The following AKAP19 variants were observed in gnomAD, a reference collection of about 807,000 sequenced individuals.
AKAP19 encodes the protein A-kinase anchoring protein 19.
At chr2:190,143,245 A>G in the AKAP19 span, among the ~76,000 whole-genome samples, 45 of 147,348 alleles carry the variant, frequency 3.1e-4, no homozygotes, top group Non-Finnish European at 5.4e-4. Context: ...ATTCTCTTGC[A>G]ACCACCCTGT....
the AKAP19 span, among the ~76,000 whole-genome samples, chr2:190,158,084 G>T: frequency 6.6e-6 from 1 of 152,168 alleles, no homozygotes; most frequent in African/African-American, 2.4e-5. Flanking sequence ...GCCCAGTTCT[G>T]TTTCTCTATG....
the AKAP19 span, chr2:189,930,855 A>G: frequency 1.5e-5 from 11 of 749,924 alleles, no homozygotes; most frequent in African/African-American, 1.6e-4. Context: ...GGTGTTTGCT[A>G]GGTGTTGGAT....
At chr2:189,918,255 C>T in the AKAP19 span, among the ~76,000 whole-genome samples, 2 of 151,980 alleles carry the variant, frequency 1.3e-5, no homozygotes, top group African/African-American at 4.8e-5. Flanking sequence ...ATGTTTTTTA[C>T]TTATCATATT....
At chr2:189,936,803 T>C in the AKAP19 span, among the ~76,000 whole-genome samples, 1 of 152,142 alleles carries the variant, frequency 6.6e-6, no homozygotes, top group South Asian at 2.1e-4. Flanking sequence ...CTACATACTA[T>C]GTGATTCCAT....
At chr2:190,107,299 A>G in the AKAP19 span, among the ~76,000 whole-genome samples, 6 of 152,186 alleles carry the variant, frequency 3.9e-5, no homozygotes, top group Non-Finnish European at 7.3e-5. Context: ...GAAAAATAAT[A>G]CTCACTTCAC....
chr2:189,927,843 CTCATT>C, the AKAP19 span, among the ~76,000 whole-genome samples: 1 of 152,142 alleles, frequency 6.6e-6, no homozygotes, highest in African/African-American at 2.4e-5. Flanking sequence ...AATTCAGTTT[CTCATT>C]TCAGGCACTC....
chr2:190,062,822 C>T, the AKAP19 span: 1 of 500,538 alleles, frequency 2.0e-6, no homozygotes, highest in Admixed American at 3.7e-5. Context: ...CACAATGAAT[C>T]TCGCTGTCAG....
the AKAP19 span, among the ~76,000 whole-genome samples, chr2:190,161,245 C>A: frequency 6.6e-6 from 1 of 152,162 alleles, no homozygotes; most frequent in Non-Finnish European, 1.5e-5. Flanking sequence ...ACCAATATAT[C>A]ATTTCCTGCA....
the AKAP19 span, among the ~76,000 whole-genome samples, chr2:190,036,534 A>G: frequency 6.6e-6 from 1 of 152,326 alleles, no homozygotes; most frequent in Non-Finnish European, 1.5e-5. Flanking sequence ...AAACAATGGC[A>G]TTATTACATT....
chr2:190,148,161 A>G, the AKAP19 span, among the ~76,000 whole-genome samples: 1 of 152,118 alleles, frequency 6.6e-6, no homozygotes, highest in Admixed American at 6.6e-5. Flanking sequence ...GATGGCTTTT[A>G]TTACACTGAG....
At chr2:190,183,367 C>T in the AKAP19 span, among the ~76,000 whole-genome samples, 1 of 152,142 alleles carries the variant, frequency 6.6e-6, no homozygotes, top group Non-Finnish European at 1.5e-5. Flanking sequence ...GAGCAGTCTT[C>T]TCCATAAGGA....
At chr2:189,918,923 T>C in the AKAP19 span, among the ~76,000 whole-genome samples, 3 of 152,218 alleles carry the variant, frequency 2.0e-5, no homozygotes, top group Non-Finnish European at 4.4e-5. Flanking sequence ...CTGGTATGAT[T>C]CCATTTACCA....
the AKAP19 span, among the ~76,000 whole-genome samples, chr2:190,135,752 A>T: frequency 3.3e-5 from 5 of 152,372 alleles, no homozygotes; most frequent in South Asian, 1.0e-3. Flanking sequence ...TAATAGATGT[A>T]AAGTATGTAG....
chr2:189,987,333 AAC>A, the AKAP19 span, among the ~76,000 whole-genome samples: 1 of 152,208 alleles, frequency 6.6e-6, no homozygotes, highest in Middle Eastern at 3.2e-3. Flanking sequence ...AGCCATGTAG[AAC>A]TGTAAGTCCA....
At chr2:190,046,008 C>T in the AKAP19 span, among the ~76,000 whole-genome samples, 1 of 152,222 alleles carries the variant, frequency 6.6e-6, no homozygotes, top group Non-Finnish European at 1.5e-5. Flanking sequence ...TTCCCAGGGT[C>T]GCACATTCAC....
At chr2:190,116,805 G>C in the AKAP19 span, among the ~76,000 whole-genome samples, 851 of 152,264 alleles carry the variant, frequency 5.6e-3, 4 homozygotes, top group African/African-American at 0.019. Context: ...TTAAACTCTT[G>C]TATGGCTATT....
At chr2:190,077,963 T>A in the AKAP19 span, among the ~76,000 whole-genome samples, 1 of 152,190 alleles carries the variant, frequency 6.6e-6, no homozygotes, top group Non-Finnish European at 1.5e-5. Context: ...GAGCCCATTG[T>A]GAACTCAAAT....
At chr2:189,953,461 C>T in the AKAP19 span, among the ~76,000 whole-genome samples, 13 of 151,784 alleles carry the variant, frequency 8.6e-5, no homozygotes, top group East Asian at 1.4e-3. Flanking sequence ...ATGGTGAAAC[C>T]CTGTCTCTGC....
chr2:189,969,743 AAAAAAAGAT>A, the AKAP19 span, among the ~76,000 whole-genome samples: 1 of 151,544 alleles, frequency 6.6e-6, no homozygotes, highest in East Asian at 1.9e-4. Context: ...AAAAAAAAAA[AAAAAAAGAT>A]AAAATTTCAT....
Sources: gnomAD v4.1 joint callset for allele counts (sites outside exome capture counted in the v4.1 genomes callset) on GRCh38, gnomAD v4.1.1 for gene constraint, MANE v1.5 for transcripts, NCBI Gene and HGNC (gene_info 2026-07-23, HGNC 2026-07-21) for gene names.